SLC9A9: variants seen among roughly 807,000 people sequenced by gnomAD.
SLC9A9 encodes solute carrier family 9 member A9, also known as sodium/hydrogen exchanger 9.
Under a neutral mutation model 77.8 loss-of-function variants are expected in SLC9A9, and 62 were observed. That is an observed-to-expected ratio of 0.80 (90% confidence interval 0.65 to 0.98). The LOEUF is 0.98. Among genes scored for constraint, SLC9A9 ranks in the 50% least tolerant of loss-of-function variants. The probability of loss-of-function intolerance (pLI) is 0.00; values close to 1 mark genes in which losing one functional copy is unlikely to be tolerated. For missense variants in SLC9A9, 775 were observed against 774.9 expected, an observed-to-expected ratio of 1.00 and a Z score of 0.00; for synonymous variants, 320 against 283.5, an observed-to-expected ratio of 1.13 and a Z score of -1.29.
Position 143,848,241 on chromosome 3 carries a change from T to C in SLC9A9, c.82A>G (p.Asn28Asp). Residue 28 changes from asparagine (N) to aspartate (D), a missense_variant, in exon 1 of 16, where the codon AAT (asparagine) becomes GAT (aspartate). Transcript: ENST00000316549. ...HQGAVELLVFNFLLILTILTI... is the reference protein window; with the variant it reads ...HQGAVELLVFDFLLILTILTI... ...AAAATGGTAAGGATGAGCAAAAAATTGAAGACAAGCAGCTCCACCGCTCCC... is the reference window on the plus strand; with the variant it reads ...AAAATGGTAAGGATGAGCAAAAAATCGAAGACAAGCAGCTCCACCGCTCCC... The C allele has an allele frequency of 6.2e-7, 1 of 1,613,982 alleles. No homozygotes were observed. Among genetic ancestry groups the C allele is most frequent in the African/African-American group, 1.3e-5 (1 of 75,014 alleles).
chr3:143,297,088 T>C (rs1240459018), intron 14 of SLC9A9, among the ~76,000 whole-genome samples: 1 of 152,214 alleles, frequency 6.6e-6, no homozygotes, highest in African/African-American at 2.4e-5. Context: ...ATCCAAGAAA[T>C]CACTCTCTAA....
At chr3:143,592,938 C>T (rs2037676212) in intron 6 of SLC9A9, among the ~76,000 whole-genome samples, 1 of 151,950 alleles carries the variant, frequency 6.6e-6, no homozygotes, top group Non-Finnish European at 1.5e-5. Context: ...GCCTATGCTC[C>T]CTGGAACATG....
chr3:143,793,926 C>G (rs980675196), intron 4 of SLC9A9, among the ~76,000 whole-genome samples: 2 of 152,212 alleles, frequency 1.3e-5, no homozygotes, highest in Admixed American at 1.3e-4. Context: ...AGTGTCCAAA[C>G]TTAATGGGGC....
chr3:143,718,174 A>G (rs1934402851), intron 4 of SLC9A9, among the ~76,000 whole-genome samples: 1 of 152,140 alleles, frequency 6.6e-6, no homozygotes, highest in South Asian at 2.1e-4. Context: ...TGAAAACATT[A>G]AGAACAAAAG....
chr3:143,361,022 A>C (rs561467235), intron 14 of SLC9A9, among the ~76,000 whole-genome samples: 7 of 152,362 alleles, frequency 4.6e-5, no homozygotes, highest in African/African-American at 1.4e-4. Flanking sequence ...AATTCTGCCT[A>C]AGGACTGCAG....
At chr3:143,279,174 G>A (rs1938139960) in intron 14 of SLC9A9, among the ~76,000 whole-genome samples, 1 of 152,038 alleles carries the variant, frequency 6.6e-6, no homozygotes, top group Non-Finnish European at 1.5e-5. Flanking sequence ...TCTGGCTTCT[G>A]GAGCCCTAGG....
At chr3:143,646,511 A>C (rs2038710218) in intron 6 of SLC9A9, among the ~76,000 whole-genome samples, 1 of 149,702 alleles carries the variant, frequency 6.7e-6, no homozygotes, top group Non-Finnish European at 1.5e-5. Flanking sequence ...ATGTATTGTG[A>C]ATATCTTTTC....
chr3:143,518,045 C>G, intron 9 of SLC9A9: 1 of 1,462,036 alleles, frequency 6.8e-7, no homozygotes, highest in South Asian at 1.1e-5. Flanking sequence ...CACCTTCTTA[C>G]TGTCAGGTTT....
chr3:143,748,744 C>G (rs59267877), intron 4 of SLC9A9, among the ~76,000 whole-genome samples: 1 of 147,376 alleles, frequency 6.8e-6, no homozygotes, highest in East Asian at 2.0e-4. Context: ...TCGCCCAGGC[C>G]GGACTGCGGA....
At chr3:143,612,602 T>C (rs1464935129) in intron 6 of SLC9A9, among the ~76,000 whole-genome samples, 1 of 152,228 alleles carries the variant, frequency 6.6e-6, no homozygotes, top group Non-Finnish European at 1.5e-5. Context: ...AACAGAACTA[T>C]GTGTATTTTC....
At chr3:143,351,545 T>C (rs115456833) in intron 14 of SLC9A9, among the ~76,000 whole-genome samples, 1,855 of 152,232 alleles carry the variant, frequency 0.012, 16 homozygotes, top group Non-Finnish European at 0.017. Flanking sequence ...TCTTGGTGAA[T>C]AGTTGATGGT....
chr3:143,569,940 A>G (rs946031506), intron 8 of SLC9A9, among the ~76,000 whole-genome samples: 1 of 150,160 alleles, frequency 6.7e-6, no homozygotes, highest in Non-Finnish European at 1.5e-5. Context: ...CCTCCCTGGT[A>G]GCTAGGGCCA....
At chr3:143,406,713 C>T (rs188072014) in intron 12 of SLC9A9, among the ~76,000 whole-genome samples, 63 of 152,166 alleles carry the variant, frequency 4.1e-4, no homozygotes, top group Middle Eastern at 3.4e-3. Flanking sequence ...TGGTGGCTCA[C>T]GCCTGTGATC....
intron 6 of SLC9A9, among the ~76,000 whole-genome samples, chr3:143,647,414 CT>C (rs529510480): frequency 7.4e-4 from 113 of 152,182 alleles, no homozygotes; most frequent in African/African-American, 2.6e-3. Flanking sequence ...AACAAATGGG[CT>C]TTTATTTTAT....
chr3:143,837,469 A>G (rs2009595781), intron 1 of SLC9A9, among the ~76,000 whole-genome samples: 1 of 152,190 alleles, frequency 6.6e-6, no homozygotes, highest in Non-Finnish European at 1.5e-5. Context: ...ACCAAGAATA[A>G]TCTAGATTCA....
chr3:143,661,222 C>T (rs933914207), intron 5 of SLC9A9, among the ~76,000 whole-genome samples: 2 of 152,182 alleles, frequency 1.3e-5, no homozygotes, highest in African/African-American at 4.8e-5. Flanking sequence ...AAACAATGGC[C>T]ATTTTAATTT....
In SLC9A9 at chr3:143,538,372, T is replaced by A. The variant is rs150297534; in HGVS notation, c.1089+13990A>T. The stretch of plus-strand genomic sequence containing the variant: ...AAATCAGTACAAAGGGGAAGAATAG[T>A]AGTGTTTTCCCTAGGGGATACTGCA... On this transcript the variant is annotated intron_variant, in intron 9 of 15. Transcript: ENST00000316549. Among the ~76,000 whole-genome samples the A allele has an allele frequency of 2.6e-5, 4 of 152,302 alleles. No individual in the cohort carries two copies. The East Asian group carries it at 5.8e-4, about 22-fold the overall frequency.
intron 6 of SLC9A9, among the ~76,000 whole-genome samples, chr3:143,631,807 G>A (rs570605385): frequency 6.6e-5 from 10 of 152,180 alleles, no homozygotes; most frequent in Non-Finnish European, 1.3e-4. Context: ...TTTTATGCTA[G>A]TTCTCTTGAT....
chr3:143,547,192 C>G (rs2036804726), intron 9 of SLC9A9, among the ~76,000 whole-genome samples: 1 of 152,100 alleles, frequency 6.6e-6, no homozygotes, highest in Admixed American at 6.5e-5. Flanking sequence ...GTCTTTGGAC[C>G]TCTTCTCTAT....
Sources: gnomAD v4.1 joint callset for allele counts (sites outside exome capture counted in the v4.1 genomes callset) on GRCh38, gnomAD v4.1.1 for gene constraint, MANE v1.5 for transcripts, NCBI Gene and HGNC (gene_info 2026-07-23, HGNC 2026-07-21) for gene names.